ADAMTS6: variants seen among roughly 807,000 people sequenced by gnomAD.
The protein encoded by ADAMTS6 is ADAM metallopeptidase with thrombospondin type 1 motif 6, also known as A disintegrin and metalloproteinase with thrombospondin motifs 6.
Under a neutral mutation model 144.3 loss-of-function variants are expected in ADAMTS6, and 23 were observed. That is an observed-to-expected ratio of 0.16 (90% CI 0.11 to 0.23). The LOEUF is 0.23. ADAMTS6 is among the 10% of genes least tolerant of loss of function. The pLI, the probability that ADAMTS6 is intolerant of heterozygous loss-of-function variation, is 1.00. For missense variants in ADAMTS6, 999 were observed against 1,379.6 expected, an observed-to-expected ratio of 0.72 and a Z score of 4.37; for synonymous variants, 444 against 457.5, an observed-to-expected ratio of 0.97 and a Z score of 0.38.
chr5:65,437,600 G>A (rs904469514), intron 7 of ADAMTS6, among the ~76,000 whole-genome samples: 42 of 152,156 alleles, frequency 2.8e-4, no homozygotes, highest in African/African-American at 1.0e-3. Context: ...TCATCCTTTG[G>A]TATACTCTCA....
chr5:65,471,092 C>G lies in ADAMTS6; in HGVS notation c.148G>C (p.Val50Leu). 1 of 1,609,044 alleles carries G rather than the reference C, an allele frequency of 6.2e-7. No individual in the cohort carries two copies. The highest frequency in any genetic ancestry group is 8.5e-7 in the Non-Finnish European group (1 of 1,178,300). ...EHYQLTIPIR[V>L]DQNGAFLSFT... ...CTGAGAAATGCTCCATTTTGATCAA[C>G]CCTTATTGGAATAGTTAGCTGGTAG... Residue 50 changes from valine (V) to leucine (L), a missense_variant, in exon 3 of 25, where the codon GTT (valine) becomes CTT (leucine). This residue lies in a region of ADAMTS6 where 252 missense variants were observed against 293.7 expected (regional missense o/e 0.86). Transcript: ENST00000381055.
chr5:65,403,018 T>C (rs1754071642), intron 7 of ADAMTS6, among the ~76,000 whole-genome samples: 1 of 152,106 alleles, frequency 6.6e-6, no homozygotes, highest in Admixed American at 6.6e-5. Context: ...TACCCCTCTG[T>C]TAAAATAACT....
At chr5:65,177,116 A>G (rs1409026984) in intron 22 of ADAMTS6, among the ~76,000 whole-genome samples, 1 of 152,194 alleles carries the variant, frequency 6.6e-6, no homozygotes, top group East Asian at 1.9e-4. Flanking sequence ...CAGCCTCAGA[A>G]GGACCCTACC....
chr5:65,270,086 G>C (rs888350261), intron 12 of ADAMTS6, among the ~76,000 whole-genome samples: 1 of 152,148 alleles, frequency 6.6e-6, no homozygotes, highest in African/African-American at 2.4e-5. Flanking sequence ...AAGCCACCAG[G>C]CCCGGCCGTA....
intron 9 of ADAMTS6, among the ~76,000 whole-genome samples, chr5:65,311,704 C>G (rs1328173627): frequency 6.6e-6 from 1 of 151,998 alleles, no homozygotes; most frequent in Non-Finnish European, 1.5e-5. Context: ...AAAATAATAG[C>G]TTACTCTTGA....
At position 65,207,468 on chromosome 5, in the gene ADAMTS6, A is replaced by G. The variant is rs1168340436; in HGVS notation, c.2575+7326T>C. On this transcript the variant is annotated intron_variant, in intron 20 of 24. Coordinates refer to ENST00000381055, the MANE Select transcript of ADAMTS6 (RefSeq NM_197941.4). Reference sequence around the variant, plus strand: ...ACAGAACAGGTACAAAGTTAAATACAACACTATAGCATCAATTATCAGTTA... The same window carrying G: ...ACAGAACAGGTACAAAGTTAAATACGACACTATAGCATCAATTATCAGTTA... Among the ~76,000 whole-genome samples, 4 of 152,336 alleles carry G rather than the reference A, an allele frequency of 2.6e-5. No homozygotes were observed. The East Asian group carries it at 7.7e-4, about 29-fold the overall frequency.
chr5:65,356,124 T>TA (rs1473357471), intron 7 of ADAMTS6, among the ~76,000 whole-genome samples: 1 of 151,734 alleles, frequency 6.6e-6, no homozygotes, highest in Non-Finnish European at 1.5e-5. Flanking sequence ...TTTAAATGAC[T>TA]AAAAAAATGT....
In ADAMTS6 at chr5:65,170,646, C is replaced by T. The variant is rs1274154542; in HGVS notation, c.3215G>A (p.Cys1072Tyr). 1 of 1,614,090 alleles carries T rather than the reference C, an allele frequency of 6.2e-7. No homozygotes were observed. Among genetic ancestry groups the T allele is most frequent in the Non-Finnish European group, 8.5e-7 (1 of 1,180,016 alleles). The part of the protein sequence containing the change: ...PPSMQQCESK[C>Y]DSTPISNTEE... Reference sequence around the variant, plus strand: ...AGTATTAGAAATGGGGGTACTGTCACATTTGCTTTCACACTGCTGCATTGA... The same window carrying T: ...AGTATTAGAAATGGGGGTACTGTCATATTTGCTTTCACACTGCTGCATTGA... The change falls in exon 24 of 25, where the codon TGT (cysteine) becomes TAT (tyrosine). Residue 1072 changes from cysteine (C) to tyrosine (Y), a missense_variant. By Grantham distance (194) the Cys-to-Tyr change is radical. Coordinates refer to ENST00000381055, the MANE Select transcript of ADAMTS6 (RefSeq NM_197941.4).
chr5:65,323,380 T>C (rs937271267), intron 9 of ADAMTS6, among the ~76,000 whole-genome samples: 2 of 150,802 alleles, frequency 1.3e-5, no homozygotes, highest in Admixed American at 6.6e-5. Flanking sequence ...TGGTTTTTTG[T>C]CCTTCCAATA....
intron 15 of ADAMTS6, among the ~76,000 whole-genome samples, chr5:65,232,930 T>A (rs56210246): frequency 0.079 from 12,081 of 152,062 alleles, 530 homozygotes; most frequent in East Asian, 0.11. Context: ...CTGATGAACA[T>A]GGATGCAAAA....
intron 20 of ADAMTS6, among the ~76,000 whole-genome samples, chr5:65,200,386 G>A (rs1027338769): frequency 6.6e-6 from 1 of 152,170 alleles, no homozygotes; most frequent in Non-Finnish European, 1.5e-5. Flanking sequence ...ATTGAGTTTA[G>A]ATTCTTTTTA....
At position 65,382,833 on chromosome 5, in the gene ADAMTS6, G is replaced by A. The variant is rs116699997; in HGVS notation, c.1074-48748C>T. On this transcript the variant is annotated intron_variant, in intron 7 of 24. Transcript: ENST00000381055. The stretch of plus-strand genomic sequence containing the variant: ...TTATGTATCTTAGTCCATTCAGTCT[G>A]CTATAACAAAATACCTTAAACAGGG... Among the ~76,000 whole-genome samples, 354 of 152,250 alleles carry A rather than the reference G, an allele frequency of 2.3e-3. 5 individuals carry two copies. The highest frequency in any genetic ancestry group is 8.3e-3 in the African/African-American group (344 of 41,560).
chr5:65,391,700 T>C (rs539160074), intron 7 of ADAMTS6, among the ~76,000 whole-genome samples: 12 of 152,198 alleles, frequency 7.9e-5, no homozygotes, highest in Admixed American at 2.6e-4. Context: ...TCTTTTAACA[T>C]GGAATATTTC....
At chr5:65,339,622 C>T (rs551165836) in intron 7 of ADAMTS6, among the ~76,000 whole-genome samples, 80 of 150,710 alleles carry the variant, frequency 5.3e-4, no homozygotes, top group Admixed American at 1.4e-3. Context: ...GAACAATTAA[C>T]GATTTGAATG....
intron 18 of ADAMTS6, among the ~76,000 whole-genome samples, chr5:65,222,787 T>C (rs924906673): frequency 2.0e-5 from 3 of 152,008 alleles, no homozygotes; most frequent in Non-Finnish European, 2.9e-5. Context: ...TACTGAAAAC[T>C]ATCTTTGCAA....
chr5:65,286,319 A>G (rs2112730077), intron 11 of ADAMTS6, among the ~76,000 whole-genome samples: 1 of 152,256 alleles, frequency 6.6e-6, no homozygotes, highest in Admixed American at 6.5e-5. Context: ...TTTTATTTAA[A>G]ATATTCTGAT....
At chr5:65,231,461 T>C (rs954881628) in intron 15 of ADAMTS6, among the ~76,000 whole-genome samples, 1 of 152,122 alleles carries the variant, frequency 6.6e-6, no homozygotes, top group Non-Finnish European at 1.5e-5. Flanking sequence ...CTTTCAACAA[T>C]GGATAGATCA....
intron 21 of ADAMTS6, among the ~76,000 whole-genome samples, chr5:65,188,612 G>A (rs1475985254): frequency 6.6e-6 from 1 of 152,158 alleles, no homozygotes; most frequent in African/African-American, 2.4e-5. Flanking sequence ...ATGGCAGGGG[G>A]TGGGGGAGTT....
intron 9 of ADAMTS6, among the ~76,000 whole-genome samples, chr5:65,324,033 A>G: frequency 6.6e-6 from 1 of 151,934 alleles, no homozygotes; most frequent in East Asian, 1.9e-4. Context: ...TTGTCAGATG[A>G]GTAGGTTGCA....
Sources: gnomAD v4.1 joint callset for allele counts (sites outside exome capture counted in the v4.1 genomes callset) on GRCh38, gnomAD v4.1.1 for gene constraint, gnomAD v4.1.1 regional missense constraint, MANE v1.5 for transcripts, NCBI Gene and HGNC (gene_info 2026-07-23, HGNC 2026-07-21) for gene names.